The following HMGCS1 variants were observed in gnomAD, a reference collection of about 807,000 sequenced individuals.
The protein encoded by HMGCS1 is 3-hydroxy-3-methylglutaryl-CoA synthase 1.
A neutral mutation model predicts 52.3 loss-of-function variants in HMGCS1; 9 were observed. That is an observed-to-expected ratio of 0.17 (90% CI 0.10 to 0.30). The LOEUF (loss-of-function observed/expected upper bound fraction) is 0.30, where lower values mean the gene tolerates loss of function less well. HMGCS1 is among the 10% of genes least tolerant of loss of function. HMGCS1 has a pLI of 1.00. For missense variants in HMGCS1, 320 were observed against 620.9 expected (o/e 0.52, Z 5.15); for synonymous variants, 176 against 214.4 (o/e 0.82, Z 1.57).
intron 1 of HMGCS1, among the ~76,000 whole-genome samples, chr5:43,308,594 T>C (rs1754694475): frequency 1.3e-5 from 2 of 152,212 alleles, no homozygotes; most frequent in African/African-American, 2.4e-5. Context: ...ATTATGTAAA[T>C]TAAGTAGAAA....
chr5:43,307,067 ATTTTTTTTT>A (rs59297862), intron 2 of HMGCS1, among the ~76,000 whole-genome samples: 1 of 123,692 alleles, frequency 8.1e-6, no homozygotes, highest in Non-Finnish European at 1.7e-5. Context: ...TTCTCACATA[ATTTTTTTTT>A]TTTTTTTTTT....
intron 2 of HMGCS1, among the ~76,000 whole-genome samples, chr5:43,303,047 CT>C (rs1416186000): frequency 6.6e-6 from 1 of 152,168 alleles, no homozygotes; most frequent in Non-Finnish European, 1.5e-5. Flanking sequence ...TCTAAAAGAG[CT>C]CTTTAAAAAA....
chr5:43,309,662 T>C (rs943845037), intron 1 of HMGCS1, among the ~76,000 whole-genome samples: 1 of 152,248 alleles, frequency 6.6e-6, no homozygotes, highest in African/African-American at 2.4e-5. Context: ...GATTTCTCTA[T>C]TCTGGCTAAA....
chr5:43,312,399 T>C (rs1476928809), intron 1 of HMGCS1, among the ~76,000 whole-genome samples: 3 of 152,294 alleles, frequency 2.0e-5, no homozygotes, highest in Non-Finnish European at 2.9e-5. Context: ...GCTAAGGCCA[T>C]AGGGACAAGC....
chr5:43,295,320 C>T (rs1289417545), intron 6 of HMGCS1, among the ~76,000 whole-genome samples: 5 of 151,982 alleles, frequency 3.3e-5, no homozygotes, highest in Admixed American at 2.6e-4. Flanking sequence ...AGAAACAGAA[C>T]GAGTTGAACA....
In HMGCS1 at chr5:43,298,567, T is replaced by G; in HGVS notation, c.399A>C (p.Thr133=). The part of the protein sequence containing the change: ...IDTTNACYGG[T]AAVFNAVNWI... The stretch of plus-strand genomic sequence containing the variant: ...AGTTAACAGCATTGAAGACAGCAGC[T>G]GTGCCTCCATAGCATGCATTAGTTG... Residue 133 remains threonine (T), a synonymous_variant, in exon 3 of 11, where the codon ACA becomes ACC. Coordinates refer to ENST00000325110, the MANE Select transcript of HMGCS1 (RefSeq NM_001098272.3). This position sits in a 1 kb window ranked among gnomAD's most constrained non-coding sequence, Gnocchi z 5.6. 1 of 1,614,194 alleles carries G rather than the reference T, an allele frequency of 6.2e-7. No homozygotes were observed. Among genetic ancestry groups the G allele is most frequent in the South Asian group, 1.1e-5 (1 of 91,090 alleles).
intron 10 of HMGCS1, among the ~76,000 whole-genome samples, chr5:43,291,915 G>C (rs576125022): frequency 2.7e-5 from 4 of 150,336 alleles, no homozygotes; most frequent in African/African-American, 9.8e-5. Flanking sequence ...CACCACAAAT[G>C]AACCTTCTCT....
chr5:43,297,983 A>C (rs754910512), intron 4 of HMGCS1, 26 bp downstream of exon 4: 32 of 1,605,560 alleles, frequency 2.0e-5, no homozygotes, highest in South Asian at 3.4e-5. Context: ...GCTAAAAAAA[A>C]CAAAAATGCT....
intron 2 of HMGCS1, among the ~76,000 whole-genome samples, chr5:43,304,353 T>A (rs888297760): frequency 6.6e-5 from 10 of 152,234 alleles, no homozygotes; most frequent in African/African-American, 2.4e-4. Context: ...TTTAACACTA[T>A]TGGAAATAAA....
intron 8 of HMGCS1, among the ~76,000 whole-genome samples, chr5:43,293,558 ATT>A (rs34148210): frequency 1.6e-3 from 234 of 141,970 alleles, no homozygotes; most frequent in African/African-American, 2.1e-3. Flanking sequence ...ATAAGGTAGA[ATT>A]TTTTTTTTTT....
At chr5:43,301,823 T>C (rs1175363562) in intron 2 of HMGCS1, among the ~76,000 whole-genome samples, 6 of 152,216 alleles carry the variant, frequency 3.9e-5, no homozygotes, top group Admixed American at 3.9e-4. Flanking sequence ...TGGCAGAAAC[T>C]GTAACTGACT....
intron 1 of HMGCS1, among the ~76,000 whole-genome samples, chr5:43,312,778 C>A (rs1754936654): frequency 1.3e-5 from 2 of 152,154 alleles, no homozygotes; most frequent in Non-Finnish European, 2.9e-5. Flanking sequence ...CAGTACTTAG[C>A]CAGGTCTAAA....
At chr5:43,297,854 GA>G (rs75290708) in intron 4 of HMGCS1, among the ~76,000 whole-genome samples, 154 bp downstream of exon 4, 45 of 143,014 alleles carry the variant, frequency 3.1e-4, no homozygotes, top group Non-Finnish European at 5.8e-4. Flanking sequence ...AAAAAAAAAA[GA>G]AAAAAAAACA....
chr5:43,307,319 C>T (rs998754678), intron 2 of HMGCS1, among the ~76,000 whole-genome samples: 4 of 152,038 alleles, frequency 2.6e-5, no homozygotes, highest in African/African-American at 7.2e-5. Flanking sequence ...GTGATCCACC[C>T]GCCACAGCCT....
chr5:43,294,207 G>T, intron 7 of HMGCS1, 45 bp from the exon 8 acceptor site: 1 of 1,176,522 alleles, frequency 8.5e-7, no homozygotes, highest in Non-Finnish European at 1.3e-6. Context: ...CTGATCCAAA[G>T]CTACAGCGTG....
In HMGCS1 at chr5:43,297,090, A is replaced by T. The variant is rs768587721; in HGVS notation, c.651T>A (p.Asp217Glu). The change falls in exon 5 of 11, where the codon GAT (aspartate) becomes GAA (glutamate). Residue 217 changes from aspartate to glutamate, a missense_variant. Asp to Glu is a conservative substitution (Grantham distance 45, BLOSUM62 2). Transcript: ENST00000325110. ...PDMLSEYPIV[D>E]GKLSIQCYLS... ...GGTAGCACTGTATGGAGAGTTTTCC[A>T]TCTACTATAGGATATTCAGATAGCA... is the stretch of plus-strand genomic sequence containing the variant. 2 of 1,613,448 alleles carry T rather than the reference A, an allele frequency of 1.2e-6. No homozygotes were observed. Among genetic ancestry groups the T allele is most frequent in the African/African-American group, 2.7e-5 (2 of 74,928 alleles).
At chr5:43,307,569 A>G (rs1307362741) in intron 2 of HMGCS1, among the ~76,000 whole-genome samples, 197 bp downstream of exon 2, 1 of 152,216 alleles carries the variant, frequency 6.6e-6, no homozygotes, top group Non-Finnish European at 1.5e-5. Context: ...CTAGATTTTA[A>G]ACATTAGTCT....
intron 2 of HMGCS1, among the ~76,000 whole-genome samples, chr5:43,303,803 G>A (rs1754434837): frequency 6.6e-6 from 1 of 152,144 alleles, no homozygotes; most frequent in African/African-American, 2.4e-5. Context: ...CAGGGACAGG[G>A]GCATAAAGAA....
chr5:43,292,213 G>C (rs1318083701), intron 10 of HMGCS1, among the ~76,000 whole-genome samples: 2 of 151,892 alleles, frequency 1.3e-5, no homozygotes, highest in Admixed American at 6.6e-5. Context: ...GGATGGTCTT[G>C]ATCTCCTGAC....
Sources: allele counts gnomAD v4.1 joint callset (sites outside exome capture counted in the v4.1 genomes callset), GRCh38; gene constraint gnomAD v4.1.1; non-coding constraint Gnocchi (gnomAD v3.1); transcripts MANE v1.5; gene names NCBI Gene and HGNC (gene_info 2026-07-23, HGNC 2026-07-21).